The following SEPTIN7 variants were observed in gnomAD, a reference collection of about 807,000 sequenced individuals.
The protein encoded by SEPTIN7 is septin-7.
SEPTIN7 carries 10 observed loss-of-function variants against 63.3 expected under a neutral mutation model. That is an observed-to-expected ratio of 0.16 (90% CI 0.10 to 0.27). SEPTIN7 has a LOEUF of 0.27. Ranked by LOEUF, SEPTIN7 falls within the 10% of genes least tolerant of loss-of-function variation. The pLI is 1.00. For missense variants in SEPTIN7, 310 were observed against 521.0 expected (o/e 0.59, Z 3.94); for synonymous variants, 131 against 165.3 (o/e 0.79, Z 1.59).
intron 5 of SEPTIN7, among the ~76,000 whole-genome samples, chr7:35,873,366 A>T (rs1328485416): frequency 6.6e-6 from 1 of 152,070 alleles, no homozygotes; most frequent in African/African-American, 2.4e-5. Context: ...TCATATTATG[A>T]AGTGTGTTAT....
Position 35,823,377 on chromosome 7 carries a change from T to C in SEPTIN7, c.62-8115T>C, listed in dbSNP as rs572080009. 2.0e-5 allele frequency among the ~76,000 whole-genome samples: 3 copies of C among 152,234 alleles called. No homozygotes were observed. In the East Asian group the frequency reaches 5.8e-4, roughly 29 times the overall value. ...TCACCACGCCTGGCTAATTTTGTAT[T>C]TTTAGTAGAGATGGGGTTTCTCTAT... is the stretch of plus-strand genomic sequence containing the variant. On this transcript the variant is annotated intron_variant, in intron 1 of 13. Transcript: ENST00000350320.
At chr7:35,848,983 A>G (rs891425734) in intron 3 of SEPTIN7, among the ~76,000 whole-genome samples, 4 of 152,210 alleles carry the variant, frequency 2.6e-5, no homozygotes, top group African/African-American at 4.8e-5. Flanking sequence ...GCTGGTTGGA[A>G]TGTTTGCTAC....
At chr7:35,822,752 G>C (rs1356529568) in intron 1 of SEPTIN7, among the ~76,000 whole-genome samples, 3 of 152,118 alleles carry the variant, frequency 2.0e-5, no homozygotes, top group Non-Finnish European at 4.4e-5. Context: ...ATACAACACT[G>C]GTCTAGATTC....
At chr7:35,808,951 CT>C (rs1288707264) in intron 1 of SEPTIN7, among the ~76,000 whole-genome samples, 1 of 152,116 alleles carries the variant, frequency 6.6e-6, no homozygotes, top group African/African-American at 2.4e-5. Flanking sequence ...AATACACTAA[CT>C]GTTAGTTTTT....
intron 11 of SEPTIN7, 82 bp from the exon 12 acceptor site, chr7:35,898,166 T>G (rs1788068151): frequency 1.9e-6 from 2 of 1,062,886 alleles, no homozygotes; most frequent in African/African-American, 3.2e-5. Flanking sequence ...GCATCTGATT[T>G]GTTTTCATCA....
chr7:35,892,440 C>A (rs1206193767), intron 11 of SEPTIN7, among the ~76,000 whole-genome samples: 1 of 152,104 alleles, frequency 6.6e-6, no homozygotes, highest in Non-Finnish European at 1.5e-5. Flanking sequence ...TTAAACTTAT[C>A]ATTAACGATG....
chr7:35,872,254 A>T lies in SEPTIN7; in HGVS notation c.277-412A>T, dbSNP rs573833659. Among the ~76,000 whole-genome samples, 3 of 152,274 alleles carry T rather than the reference A, an allele frequency of 2.0e-5. No homozygotes were observed. In the South Asian group the frequency reaches 6.2e-4, roughly 32 times the overall value. On this transcript the variant is annotated intron_variant, in intron 4 of 13. Transcript: ENST00000350320. ...ACATTTACTGTAAATGGTAGATTAGATGTTCTTCTCTGATTAATTACATTT... is the reference window on the plus strand; with the variant it reads ...ACATTTACTGTAAATGGTAGATTAGTTGTTCTTCTCTGATTAATTACATTT...
At chr7:35,877,875 C>G (rs1786568004) in intron 6 of SEPTIN7, among the ~76,000 whole-genome samples, 1 of 152,158 alleles carries the variant, frequency 6.6e-6, no homozygotes, top group Admixed American at 6.5e-5. Context: ...TACAGATGCT[C>G]CTCAACTTGG....
chr7:35,842,954 G>GTAAA (rs1284420435), intron 3 of SEPTIN7, among the ~76,000 whole-genome samples: 1 of 152,022 alleles, frequency 6.6e-6, no homozygotes, highest in Non-Finnish European at 1.5e-5. Flanking sequence ...GTGTGTGTAT[G>GTAAA]TATGTATTGA....
At chr7:35,808,383 A>G (rs891446147) in intron 1 of SEPTIN7, among the ~76,000 whole-genome samples, 2 of 152,150 alleles carry the variant, frequency 1.3e-5, no homozygotes, top group Non-Finnish European at 2.9e-5. Flanking sequence ...GTTTTTTTCC[A>G]ATGAGTGTAA....
At chr7:35,865,326 C>A (rs546868991) in intron 4 of SEPTIN7, among the ~76,000 whole-genome samples, 2 of 152,122 alleles carry the variant, frequency 1.3e-5, no homozygotes, top group African/African-American at 2.4e-5. Context: ...ATTACACCCC[C>A]CAAAGATACA....
At chr7:35,821,349 T>G (rs1289415966) in intron 1 of SEPTIN7, among the ~76,000 whole-genome samples, 2 of 152,216 alleles carry the variant, frequency 1.3e-5, no homozygotes, top group African/African-American at 4.8e-5. Flanking sequence ...ACTCCACCAA[T>G]TTCTTTGATG....
chr7:35,899,169 A>C (rs1235558957), intron 12 of SEPTIN7: 1 of 152,258 alleles, frequency 6.6e-6, no homozygotes, highest in Non-Finnish European at 1.5e-5. Flanking sequence ...GTAGAAAAAA[A>C]ACTATGGGTA....
chr7:35,802,479 G>T (rs762343918), intron 1 of SEPTIN7, among the ~76,000 whole-genome samples: 1 of 152,102 alleles, frequency 6.6e-6, no homozygotes, highest in African/African-American at 2.4e-5. Context: ...CTTTCTTCTG[G>T]CTTTTTTATT....
intron 10 of SEPTIN7, chr7:35,888,833 A>AC (rs1395181374): frequency 2.6e-6 from 1 of 390,710 alleles, no homozygotes; most frequent in Non-Finnish European, 5.0e-6. Context: ...CAAAAAAAAA[A>AC]AAAAAAAAAA....
Position 35,801,187 on chromosome 7 carries a change from C to T in SEPTIN7, c.-23C>T, listed in dbSNP as rs1367471743. On this transcript the variant is annotated 5_prime_UTR_variant, in exon 1 of 14. Coordinates refer to ENST00000350320, the MANE Select transcript of SEPTIN7 (RefSeq NM_001788.6). ...ATCGGCGGGCTGCGCTCCGCTGGGGCTGGTCGCGGAGGGGGGGAGGGGATG... is the reference window on the plus strand; with the variant it reads ...ATCGGCGGGCTGCGCTCCGCTGGGGTTGGTCGCGGAGGGGGGGAGGGGATG... 1 of 1,487,386 alleles carries T rather than the reference C, an allele frequency of 6.7e-7. No individual in the cohort carries two copies. 92.1% of individuals were successfully genotyped at this position (1,487,386 alleles called of 1,614,324 possible).
intron 3 of SEPTIN7, among the ~76,000 whole-genome samples, chr7:35,843,873 A>G (rs1338835693): frequency 6.6e-6 from 1 of 152,214 alleles, no homozygotes; most frequent in African/African-American, 2.4e-5. Context: ...GCAGATGATA[A>G]ATACAAGGTA....
At chr7:35,869,492 TTGAGCAAGTGAAGG>T (rs1642407485) in intron 4 of SEPTIN7, among the ~76,000 whole-genome samples, 1 of 152,228 alleles carries the variant, frequency 6.6e-6, no homozygotes, top group South Asian at 2.1e-4. Flanking sequence ...ATGCTACCTC[TTGAGCAAGTGAAGG>T]TAGAGGTAGG....
chr7:35,893,000 G>C (rs943232260), intron 11 of SEPTIN7, among the ~76,000 whole-genome samples: 5 of 152,090 alleles, frequency 3.3e-5, no homozygotes, highest in African/African-American at 1.2e-4. Flanking sequence ...TTATCTATTA[G>C]TTGTATCTGA....
Sources: allele counts gnomAD v4.1 joint callset (sites outside exome capture counted in the v4.1 genomes callset), GRCh38; gene constraint gnomAD v4.1.1; transcripts MANE v1.5; gene names NCBI Gene and HGNC (gene_info 2026-07-23, HGNC 2026-07-21).